P2RX7: variants seen among roughly 807,000 people sequenced by gnomAD.
P2RX7 encodes the protein P2X purinoceptor 7.
A neutral mutation model predicts 71.6 loss-of-function variants in P2RX7; 62 were observed. That is an observed-to-expected ratio of 0.87 (90% confidence interval 0.71 to 1.07). The LOEUF (loss-of-function observed/expected upper bound fraction) is 1.07, where lower values mean the gene tolerates loss of function less well. P2RX7 is among the 50% of genes least tolerant of loss of function. The pLI, the probability that P2RX7 is intolerant of heterozygous loss-of-function variation, is 0.00. For synonymous variants in P2RX7, 299 were observed against 283.3 expected (o/e 1.06, Z -0.56); for missense variants, 686 against 748.5 (o/e 0.92, Z 0.97).
Position 121,185,108 on chromosome 12 carries a change from A to C in P2RX7, c.*306A>C. On this transcript the variant is annotated 3_prime_UTR_variant, in exon 13 of 13. Transcript: ENST00000328963. The stretch of plus-strand genomic sequence containing the variant: ...CAAAAAAAAAAAAGAGTCCTTACCA[A>C]TAGCAGGGGCTGCAGTAGCCATGTT... 4.1e-6 allele frequency: 1 copy of C among 246,150 alleles called. No homozygotes were observed. The allele number at this position is 246,150 out of a possible 1,614,324, so 15.2% of individuals were successfully genotyped here.
chr12:121,139,913 G>A (rs543332089), intron 1 of P2RX7, among the ~76,000 whole-genome samples: 1 of 152,208 alleles, frequency 6.6e-6, no homozygotes, highest in Admixed American at 6.5e-5. Context: ...TGTATTTTTA[G>A]TAGAGATGGG....
intron 1 of P2RX7, among the ~76,000 whole-genome samples, chr12:121,139,951 C>G (rs529295620): frequency 1.3e-5 from 2 of 152,212 alleles, no homozygotes; most frequent in East Asian, 3.9e-4. Context: ...AGGCTGGTCT[C>G]GAACTCCTGG....
At chr12:121,161,177 G>A (rs1054524391) in intron 4 of P2RX7, among the ~76,000 whole-genome samples, 3 of 152,126 alleles carry the variant, frequency 2.0e-5, no homozygotes, top group South Asian at 4.2e-4. Context: ...CAGTTTTCCA[G>A]TGAGAGAAGA....
intron 12 of P2RX7, among the ~76,000 whole-genome samples, chr12:121,183,639 C>T (rs1240193323): frequency 6.6e-6 from 1 of 151,282 alleles, no homozygotes; most frequent in African/African-American, 2.4e-5. Context: ...AGTGCTAAGT[C>T]CTATGAAGAA....
chr12:121,137,415 T>C (rs989702211), intron 1 of P2RX7, among the ~76,000 whole-genome samples: 1 of 152,224 alleles, frequency 6.6e-6, no homozygotes, highest in Non-Finnish European at 1.5e-5. Flanking sequence ...TTTGCTATGC[T>C]TTGTGGACAA....
At position 121,155,123 on chromosome 12, in the gene P2RX7, A is replaced by T. The variant is rs534509350; in HGVS notation, c.294+170A>T. ...CCTAAAAATTGCAAAACTGGGTGAGATCCAGGAGATGATTCTTTGCTTTAT... is the reference window on the plus strand; with the variant it reads ...CCTAAAAATTGCAAAACTGGGTGAGTTCCAGGAGATGATTCTTTGCTTTAT... On this transcript the variant is annotated intron_variant, in intron 2 of 12. Transcript: ENST00000328963. 3 of 1,481,460 alleles carry T rather than the reference A, an allele frequency of 2.0e-6. No individual in the cohort carries two copies. In the Admixed American group the frequency reaches 6.2e-5, roughly 31 times the overall value. 91.8% of individuals were successfully genotyped at this position (1,481,460 alleles called of 1,614,324 possible). A position where few individuals can be genotyped will look rare whatever the true frequency, so the allele number is the denominator to read the frequency against.
chr12:121,141,854 C>T (rs11065450), intron 1 of P2RX7, among the ~76,000 whole-genome samples: 2 of 151,854 alleles, frequency 1.3e-5, no homozygotes, highest in African/African-American at 2.4e-5. Context: ...CTGTGTTATG[C>T]GTTCCACCAC....
rs1308036257 is a variant in P2RX7, at chr12:121,154,387, A to T, written c.126-398A>T. ...CTGAAAATGCACCAGATGCAGCCTT[A>T]GACTGGAAGGTGCTGATGTGTTACT... is the stretch of plus-strand genomic sequence containing the variant. On this transcript the variant is annotated intron_variant, in intron 1 of 12. Transcript: ENST00000328963. The surrounding 1 kb of genome is among the most constrained non-coding windows in gnomAD (Gnocchi z 4.2). Among the ~76,000 whole-genome samples the T allele has an allele frequency of 6.6e-6, 1 of 152,182 alleles. No individual in the cohort carries two copies. Among genetic ancestry groups the T allele is most frequent in the Non-Finnish European group, 1.5e-5 (1 of 68,034 alleles).
chr12:121,148,493 G>T (rs1876719867), intron 1 of P2RX7, among the ~76,000 whole-genome samples: 1 of 151,900 alleles, frequency 6.6e-6, no homozygotes, highest in African/African-American at 2.4e-5. Context: ...GGAATTACAG[G>T]CGTGAGTCAC....
rs201284034 is a variant in P2RX7 at position 121,132,976 on chromosome 12, G to A, written c.6G>A (p.Pro2=). The change falls in exon 1 of 13, where the codon CCG becomes CCA. Residue 2 remains proline, a synonymous_variant. Transcript: ENST00000328963. M[P]ACCSCSDVFQ... The stretch of plus-strand genomic sequence containing the variant: ...CAGGGAGGGAGGCTGTCACCATGCC[G>A]GCCTGCTGCAGCTGCAGTGATGTTT... 9.3e-6 allele frequency: 15 copies of A among 1,613,512 alleles called. No individual in the cohort carries two copies. The highest frequency in any genetic ancestry group is 4.5e-5 in the East Asian group (2 of 44,838).
rs148438900 is a variant in P2RX7 at position 121,182,598 on chromosome 12, T to A, written c.1291-1707T>A. On this transcript the variant is annotated intron_variant, in intron 12 of 12. Transcript: ENST00000328963. Reference sequence around the variant, plus strand: ...ATATAGAAAAGGTACAGTGAAAATATGATATAAAAGCTTAAAAATGGTACA... The same window carrying A: ...ATATAGAAAAGGTACAGTGAAAATAAGATATAAAAGCTTAAAAATGGTACA... Among the ~76,000 whole-genome samples, 83 of 152,188 alleles carry A rather than the reference T, an allele frequency of 5.5e-4. 1 individual carries two copies. The highest frequency in any genetic ancestry group is 1.3e-3 in the Admixed American group (20 of 15,264).
intron 3 of P2RX7, among the ~76,000 whole-genome samples, 167 bp from the exon 4 acceptor site, chr12:121,160,735 T>C (rs1879501849): frequency 6.6e-6 from 1 of 152,250 alleles, no homozygotes; most frequent in Non-Finnish European, 1.5e-5. Context: ...ATTTTATTTG[T>C]CCATTCATCC....
chr12:121,177,321 A>G lies in P2RX7; in HGVS notation c.1063A>G (p.Ile355Val), dbSNP rs771327612. The change falls in exon 11 of 13, where the codon ATC (isoleucine) becomes GTC (valine). Residue 355 changes from isoleucine to valine, a missense_variant. Ile to Val is a conservative substitution (Grantham distance 29, BLOSUM62 3). Coordinates refer to ENST00000328963, the MANE Select transcript of P2RX7 (RefSeq NM_002562.6). ...GLAAVFIDFL[I>V]DTYSSNCCRS... is the part of the protein sequence containing the mutation. ...GGCCGCTGTGTTCATCGACTTCCTCATCGACACTTACTCCAGTAACTGCTG... is the reference window on the plus strand; with the variant it reads ...GGCCGCTGTGTTCATCGACTTCCTCGTCGACACTTACTCCAGTAACTGCTG... The G allele has an allele frequency of 6.2e-7, 1 of 1,614,054 alleles. No individual in the cohort carries two copies. Among genetic ancestry groups the G allele is most frequent in the Non-Finnish European group, 8.5e-7 (1 of 1,179,990 alleles).
chr12:121,165,582 G>C (rs28969473), intron 6 of P2RX7, 145 bp downstream of exon 6: 154 of 693,182 alleles, frequency 2.2e-4, no homozygotes, highest in Non-Finnish European at 3.4e-4. Context: ...TTGCTGCGTG[G>C]TTCTGGCTCA....
At chr12:121,180,644 C>T (rs1334922301) in intron 12 of P2RX7, among the ~76,000 whole-genome samples, 189 bp downstream of exon 12, 2 of 152,144 alleles carry the variant, frequency 1.3e-5, no homozygotes, top group African/African-American at 2.4e-5. Context: ...CCTCCAATCA[C>T]TACCCTCTCT....
At chr12:121,147,863 T>C (rs1876544083) in intron 1 of P2RX7, among the ~76,000 whole-genome samples, 1 of 152,066 alleles carries the variant, frequency 6.6e-6, no homozygotes, top group Admixed American at 6.6e-5. Flanking sequence ...TCTGCCTGCC[T>C]CGGCCTCCCA....
At chr12:121,165,217 C>T in intron 5 of P2RX7, 140 bp from the exon 6 acceptor site, 1 of 635,626 alleles carries the variant, frequency 1.6e-6, no homozygotes, top group Non-Finnish European at 2.8e-6. Context: ...AATGCTTTGC[C>T]CACTAGGTTT....
chr12:121,159,602 G>A (rs1053611661), intron 3 of P2RX7, among the ~76,000 whole-genome samples: 2 of 152,076 alleles, frequency 1.3e-5, no homozygotes, highest in Non-Finnish European at 2.9e-5. Context: ...AGATGACAAA[G>A]AGCAGAGGCC....
chr12:121,174,711 T>C (rs982896201), intron 8 of P2RX7, among the ~76,000 whole-genome samples: 1 of 152,028 alleles, frequency 6.6e-6, no homozygotes, highest in Non-Finnish European at 1.5e-5. Context: ...AACCTCTTCT[T>C]CCCCCTTAAG....
Sources: gnomAD v4.1 joint callset for allele counts (sites outside exome capture counted in the v4.1 genomes callset) on GRCh38, gnomAD v4.1.1 for gene constraint, Gnocchi (gnomAD v3.1) non-coding constraint, MANE v1.5 for transcripts, NCBI Gene and HGNC (gene_info 2026-07-23, HGNC 2026-07-21) for gene names.